Variants in KCNK13 observed in about 807,000 individuals in gnomAD.
KCNK13 encodes the protein potassium two pore domain channel subfamily K member 13.
Under a neutral mutation model 23.4 loss-of-function variants are expected in KCNK13, and 12 were observed. The ratio of observed to expected loss-of-function variants is 0.51; its 90% CI spans 0.33 to 0.83. The LOEUF is 0.83. Among genes scored for constraint, KCNK13 ranks in the 40% least tolerant of loss-of-function variants. The pLI is 0.02. For missense variants in KCNK13, 463 were observed against 556.3 expected, an observed-to-expected ratio of 0.83 and a Z score of 1.69; for synonymous variants, 231 against 229.5, an observed-to-expected ratio of 1.01 and a Z score of -0.06.
At chr14:90,139,281 G>A (rs576045036) in intron 1 of KCNK13, among the ~76,000 whole-genome samples, 1 of 152,354 alleles carries the variant, frequency 6.6e-6, no homozygotes, top group South Asian at 2.1e-4. Context: ...AGGTGGCCAA[G>A]GGTCTGGGGA....
intron 1 of KCNK13, among the ~76,000 whole-genome samples, chr14:90,093,139 C>CA (rs1289958007): frequency 6.6e-6 from 1 of 152,106 alleles, no homozygotes; most frequent in African/African-American, 2.4e-5. Flanking sequence ...CTCACAACAA[C>CA]ACTCCATGCA....
At chr14:90,098,572 T>C (rs1300200456) in intron 1 of KCNK13, among the ~76,000 whole-genome samples, 1 of 150,666 alleles carries the variant, frequency 6.6e-6, no homozygotes, top group African/African-American at 2.5e-5. Flanking sequence ...CCAGGAGTTA[T>C]AACCCGGGAG....
chr14:90,101,254 G>A (rs116503386), intron 1 of KCNK13, among the ~76,000 whole-genome samples: 89 of 152,240 alleles, frequency 5.8e-4, no homozygotes, highest in Middle Eastern at 3.4e-3. Context: ...GTCTCTCTCT[G>A]AAATCGCTTC....
chr14:90,150,540 C>G (rs1453421600), intron 1 of KCNK13, among the ~76,000 whole-genome samples: 1 of 152,146 alleles, frequency 6.6e-6, no homozygotes, highest in Admixed American at 6.5e-5. Context: ...CCTGCAAAAT[C>G]CAGAGACATA....
chr14:90,099,103 A>C (rs891056280), intron 1 of KCNK13, among the ~76,000 whole-genome samples: 1 of 152,094 alleles, frequency 6.6e-6, no homozygotes, highest in African/African-American at 2.4e-5. Flanking sequence ...AATTAAAAAA[A>C]AAAATCACCT....
intron 1 of KCNK13, among the ~76,000 whole-genome samples, chr14:90,113,985 G>A (rs7142067): frequency 6.9e-4 from 105 of 152,232 alleles, no homozygotes; most frequent in African/African-American, 2.0e-3. Context: ...CTAGAGGGAT[G>A]TACAAGAACT....
At chr14:90,140,081 G>A (rs1261192244) in intron 1 of KCNK13, among the ~76,000 whole-genome samples, 1 of 152,188 alleles carries the variant, frequency 6.6e-6, no homozygotes, top group African/African-American at 2.4e-5. Flanking sequence ...ATTTTGGGAT[G>A]CAGGACCCAC....
chr14:90,119,249 T>C (rs1566954878), intron 1 of KCNK13, among the ~76,000 whole-genome samples: 2 of 152,166 alleles, frequency 1.3e-5, no homozygotes, highest in African/African-American at 4.8e-5. Context: ...ACTGAAACTA[T>C]TCCAAAATAT....
At chr14:90,085,885 ACCTTTTTCCTTTTCTTGTGC>A (rs1436706124) in intron 1 of KCNK13, among the ~76,000 whole-genome samples, 1 of 144,136 alleles carries the variant, frequency 6.9e-6, no homozygotes, top group African/African-American at 2.6e-5. Context: ...CTATCTATCT[ACCTTTTTCCTTTTCTTGTGC>A]CCTTTTTCCT....
intron 1 of KCNK13, among the ~76,000 whole-genome samples, chr14:90,070,450 C>T (rs1889060650): frequency 1.3e-5 from 2 of 152,228 alleles, no homozygotes; most frequent in Non-Finnish European, 2.9e-5. Flanking sequence ...CTGTGTTAAT[C>T]AAAGTGTCTG....
At chr14:90,078,541 C>CA (rs1334250956) in intron 1 of KCNK13, among the ~76,000 whole-genome samples, 1 of 150,840 alleles carries the variant, frequency 6.6e-6, no homozygotes, top group African/African-American at 2.4e-5. Flanking sequence ...GCTTGGAATA[C>CA]ACAGTGATGT....
At chr14:90,128,892 C>T (rs774349229) in intron 1 of KCNK13, among the ~76,000 whole-genome samples, 5 of 152,092 alleles carry the variant, frequency 3.3e-5, no homozygotes, top group Non-Finnish European at 7.4e-5. Flanking sequence ...CACCTTGAGC[C>T]GTCCCCACCG....
At chr14:90,148,923 A>G (rs1890103898) in intron 1 of KCNK13, among the ~76,000 whole-genome samples, 1 of 152,206 alleles carries the variant, frequency 6.6e-6, no homozygotes, top group African/African-American at 2.4e-5. Flanking sequence ...TACACTGTAA[A>G]AGTGCTATTG....
At chr14:90,091,548 T>C (rs1004444895) in intron 1 of KCNK13, among the ~76,000 whole-genome samples, 10 of 152,224 alleles carry the variant, frequency 6.6e-5, no homozygotes, top group African/African-American at 1.9e-4. Flanking sequence ...ACCATCCATG[T>C]TGATTTTGGA....
At position 90,118,933 on chromosome 14, in the gene KCNK13, A is replaced by C. The variant is rs182503906; in HGVS notation, c.334+56394A>C. 3.3e-5 allele frequency among the ~76,000 whole-genome samples: 5 copies of C among 152,288 alleles called. No individual in the cohort carries two copies. The East Asian group carries it at 9.6e-4, about 29-fold the overall frequency. ...GAAGAAAAGAGAGAAGATCCAAATA[A>C]ACACAACTAGAAATGGCAAAGAGGA... On this transcript the variant is annotated intron_variant, in intron 1 of 1. Coordinates refer to ENST00000282146, the MANE Select transcript of KCNK13 (RefSeq NM_022054.4).
chr14:90,080,074 G>A (rs1229898330), intron 1 of KCNK13, among the ~76,000 whole-genome samples: 1 of 152,162 alleles, frequency 6.6e-6, no homozygotes, highest in Non-Finnish European at 1.5e-5. Flanking sequence ...GGATACCAAA[G>A]TGAGGACGGC....
At chr14:90,085,793 CTTTATATTATATATTATATTATATATT>C (rs1566948857) in intron 1 of KCNK13, among the ~76,000 whole-genome samples, 3 of 122,070 alleles carry the variant, frequency 2.5e-5, no homozygotes, top group African/African-American at 6.8e-5. Flanking sequence ...ATATTATATA[CTTTATATTATATATTATATTATATATT>C]ATATATTATA....
chr14:90,184,356 G>A lies in KCNK13; in HGVS notation c.580G>A (p.Val194Met), dbSNP rs757739727. Residue 194 changes from valine to methionine, a missense_variant, in exon 2 of 2, where the codon GTG becomes ATG. By Grantham distance (21) the Val-to-Met change is conservative (BLOSUM62 1). This residue lies in a region of KCNK13 where 144 missense variants were observed against 224.0 expected (regional missense o/e 0.64). Transcript: ENST00000282146. This position sits in a 1 kb window ranked among gnomAD's most constrained non-coding sequence, Gnocchi z 5.6. ...CAGCCTGGCCGGCTGGAAGCCCTCC[G>A]TGTACTACGTCATGCTGATCCTATG... is the stretch of plus-strand genomic sequence containing the variant. ...VDSLAGWKPS[V>M]YYVMLILCTA... 33 of 1,614,132 alleles carry A rather than the reference G, an allele frequency of 2.0e-5. No individual in the cohort carries two copies. The highest frequency in any genetic ancestry group is 2.5e-5 in the Non-Finnish European group (30 of 1,180,056).
intron 1 of KCNK13, among the ~76,000 whole-genome samples, chr14:90,132,781 A>T (rs1385731534): frequency 1.3e-5 from 2 of 152,132 alleles, no homozygotes; most frequent in Non-Finnish European, 2.9e-5. Flanking sequence ...CCACAATTAA[A>T]ACAAAAAGAA....
Sources: gnomAD v4.1 joint callset for allele counts (sites outside exome capture counted in the v4.1 genomes callset) on GRCh38, gnomAD v4.1.1 for gene constraint, gnomAD v4.1.1 regional missense constraint, Gnocchi (gnomAD v3.1) non-coding constraint, MANE v1.5 for transcripts, NCBI Gene and HGNC (gene_info 2026-07-23, HGNC 2026-07-21) for gene names.